The following ARVCF variants were observed in gnomAD, a reference collection of about 807,000 sequenced individuals.
ARVCF encodes the protein ARVCF delta catenin family member.
A neutral mutation model predicts 90.9 loss-of-function variants in ARVCF; 66 were observed. The observed-to-expected ratio is 0.73, with a 90% CI of 0.60 to 0.89. ARVCF has a LOEUF of 0.89. ARVCF is among the 40% of genes least tolerant of loss of function. The pLI, the probability that ARVCF is intolerant of heterozygous loss-of-function variation, is 0.00. For synonymous variants in ARVCF, 653 were observed against 603.4 expected (o/e 1.08, Z -1.21); for missense variants, 1,469 against 1,382.3 (o/e 1.06, Z -1.00).
At chr22:19,986,075 G>A (rs1249259236) in intron 3 of ARVCF, among the ~76,000 whole-genome samples, 1 of 152,228 alleles carries the variant, frequency 6.6e-6, no homozygotes, top group African/African-American at 2.4e-5. Context: ...CTGCCAGGGC[G>A]TGGCCCCAGG....
intron 3 of ARVCF, among the ~76,000 whole-genome samples, chr22:19,982,807 C>G (rs1442318123): frequency 1.3e-5 from 2 of 152,224 alleles, no homozygotes; most frequent in Non-Finnish European, 2.9e-5. Flanking sequence ...GGCTGGCGCC[C>G]CCAGTGACTG....
downstream of ARVCF, chr22:19,969,717 G>A (rs1170029181): frequency 2.4e-5 from 13 of 537,202 alleles, no homozygotes; most frequent in East Asian, 1.5e-4. Context: ...AGACAGACCA[G>A]TGAGCCCAAG....
chr22:19,973,578 C>A, intron 13 of ARVCF, 65 bp downstream of exon 13: 2 of 1,550,202 alleles, frequency 1.3e-6, no homozygotes. Context: ...CAAGCCCCTC[C>A]GATGGGACCC....
chr22:19,985,764 C>T (rs2146346253), intron 3 of ARVCF, among the ~76,000 whole-genome samples: 1 of 152,328 alleles, frequency 6.6e-6, no homozygotes, highest in South Asian at 2.1e-4. Flanking sequence ...GCAGGCCCCT[C>T]CCCTGTCCAA....
rs1202796164 is a variant in ARVCF, at chr22:19,975,793, C to T, written c.1889-36G>A. ...AAGGTGGTGGGAGGTGAGGCAGACC[C>T]CATATGGGGAATGGGTGTATCAGGA... is the stretch of plus-strand genomic sequence containing the variant. On this transcript the variant is annotated intron_variant, in intron 10 of 19. Coordinates refer to ENST00000263207, the MANE Select transcript of ARVCF (RefSeq NM_001670.3). The T allele has an allele frequency of 2.5e-6, 4 of 1,606,354 alleles. No homozygotes were observed. In the South Asian group the frequency reaches 3.3e-5, roughly 13 times the overall value.
intron 5 of ARVCF, chr22:19,980,767 T>G (rs1024377484): frequency 5.3e-6 from 1 of 189,396 alleles, no homozygotes; most frequent in Non-Finnish European, 1.1e-5. Flanking sequence ...CCCTGTGGGT[T>G]GCTGTCATCA....
rs760730779 is a variant in ARVCF at position 19,977,480 on chromosome 22, C to T, written c.1805G>A (p.Ser602Asn). 38 of 1,593,504 alleles carry T rather than the reference C, an allele frequency of 2.4e-5. No individual in the cohort carries two copies. The highest frequency in any genetic ancestry group is 3.1e-5 in the Non-Finnish European group (36 of 1,169,458). ...YQEAEPGPLG[S>N]AVGSQRRRRD... is the part of the protein sequence containing the mutation. ...CCTCCGGCGCTGGGAGCCTACAGCA[C>T]TGCCCAGGGGCCCGGGCTCGGCCTC... The change falls in exon 9 of 20, where the codon AGT becomes AAT. Residue 602 changes from serine to asparagine, a missense_variant. Physicochemically the swap from Ser to Asn is conservative, Grantham distance 46. Coordinates refer to ENST00000263207, the MANE Select transcript of ARVCF (RefSeq NM_001670.3).
rs900450729 is a variant in ARVCF, at chr22:19,971,746, G to A, written c.2781+140C>T. On this transcript the variant is annotated intron_variant, in intron 18 of 19. Transcript: ENST00000263207. ...ACCCACAGACTGACTGGCGTGAAGG[G>A]GCTGCTTCCTGGGCTTGGCCCCACA... The A allele has an allele frequency of 1.2e-5, 10 of 850,968 alleles. No individual in the cohort carries two copies. The Admixed American group carries it at 1.3e-4, about 11-fold the overall frequency. 52.7% of individuals were successfully genotyped at this position (850,968 alleles called of 1,614,324 possible). A position where few individuals can be genotyped will look rare whatever the true frequency, so the allele number is the denominator to read the frequency against.
At chr22:19,979,368 C>T (rs561965478) in intron 6 of ARVCF, 2 of 522,528 alleles carry the variant, frequency 3.8e-6, no homozygotes, top group Admixed American at 3.5e-5. Flanking sequence ...GCCACAGGGC[C>T]TCACAGAGAC....
intron 3 of ARVCF, among the ~76,000 whole-genome samples, chr22:19,982,412 T>C (rs1223214884): frequency 6.6e-6 from 1 of 152,092 alleles, no homozygotes; most frequent in African/African-American, 2.4e-5. Context: ...GGGTGAAGTC[T>C]TCAGGGCCCT....
At chr22:19,972,261 A>C (rs1003741710) in intron 17 of ARVCF, 97 bp downstream of exon 17, 4 of 1,526,994 alleles carry the variant, frequency 2.6e-6, no homozygotes, top group Admixed American at 1.7e-5. Context: ...TCTCTCCTCC[A>C]CCCAGCACCA....
intron 3 of ARVCF, among the ~76,000 whole-genome samples, chr22:19,982,851 G>A (rs531899035): frequency 6.6e-6 from 1 of 152,240 alleles, no homozygotes; most frequent in Non-Finnish European, 1.5e-5. Flanking sequence ...ACCAGACACA[G>A]TAGATTTGAG....
At chr22:19,968,952 A>G (rs1291578329), downstream of ARVCF, 1 of 567,786 alleles carries the variant, frequency 1.8e-6, no homozygotes, top group Non-Finnish European at 3.2e-6. Context: ...AACACTGGCT[A>G]GCTATATTAT....
At chr22:19,965,870 G>A (rs1942364317), downstream of ARVCF, among the ~76,000 whole-genome samples, 1 of 152,078 alleles carries the variant, frequency 6.6e-6, no homozygotes, top group African/African-American at 2.4e-5. Context: ...CTGGAGGGGG[G>A]CTCACCCCTG....
chr22:19,990,631 C>G lies in ARVCF; in HGVS notation c.164G>C (p.Gly55Ala), dbSNP rs1569178510. ...QQPGMVSGGM[G>A]SGQPLPMAWQ... ...GGCCATTGGCAGGGGCTGCCCACTG[C>G]CCATGCCACCACTGACCATGCCAGG... is the stretch of plus-strand genomic sequence containing the variant. The change falls in exon 3 of 20, where the codon GGC (glycine) becomes GCC (alanine). Residue 55 changes from glycine (G) to alanine (A), a missense_variant. Gly to Ala is a moderately conservative substitution (Grantham distance 60). Transcript: ENST00000263207. 2 of 1,609,838 alleles carry G rather than the reference C, an allele frequency of 1.2e-6. No individual in the cohort carries two copies. The highest frequency in any genetic ancestry group is 2.7e-5 in the African/African-American group (2 of 75,040).
At chr22:19,976,342 A>G (rs1453365267) in intron 10 of ARVCF, among the ~76,000 whole-genome samples, 1 of 152,176 alleles carries the variant, frequency 6.6e-6, no homozygotes, top group Non-Finnish European at 1.5e-5. Flanking sequence ...CCCCTTCAGA[A>G]GGCAGCAGAG....
chr22:19,977,834 C>T (rs898904911), intron 8 of ARVCF, 124 bp downstream of exon 8: 3 of 1,229,972 alleles, frequency 2.4e-6, no homozygotes, highest in Non-Finnish European at 3.4e-6. Context: ...GCGGGCCACA[C>T]CCAGAACGCC....
chr22:19,976,190 G>C (rs1943144088), intron 10 of ARVCF, among the ~76,000 whole-genome samples: 1 of 152,168 alleles, frequency 6.6e-6, no homozygotes, highest in African/African-American at 2.4e-5. Flanking sequence ...CCCCCAGCTG[G>C]GGTCAGGACA....
chr22:19,981,766 G>C (rs1056688901), intron 4 of ARVCF, 29 bp from the exon 5 acceptor site: 1 of 1,552,610 alleles, frequency 6.4e-7, no homozygotes, highest in Non-Finnish European at 8.7e-7. Context: ...GGTAGGTGGG[G>C]TAGCACGAGA....
Sources: gnomAD v4.1 joint callset for allele counts (sites outside exome capture counted in the v4.1 genomes callset) on GRCh38, gnomAD v4.1.1 for gene constraint, MANE v1.5 for transcripts, NCBI Gene and HGNC (gene_info 2026-07-23, HGNC 2026-07-21) for gene names.